SH3D19: variants seen among roughly 807,000 people sequenced by gnomAD.
SH3D19 encodes SH3 domain containing 19, also known as SH3 domain-containing protein 19.
SH3D19 carries 58 observed loss-of-function variants against 112.1 expected under a neutral mutation model. That is an observed-to-expected ratio of 0.52 (90% confidence interval 0.42 to 0.64). SH3D19 has a LOEUF of 0.64. Ranked by LOEUF, SH3D19 falls within the 30% of genes least tolerant of loss-of-function variation. SH3D19 has a pLI of 0.00. For missense variants in SH3D19, 1,090 were observed against 1,263.4 expected (o/e 0.86, Z 2.08); for synonymous variants, 391 against 448.5 (o/e 0.87, Z 1.62).
At chr4:151,162,140 C>T (rs1006815402) in intron 8 of SH3D19, among the ~76,000 whole-genome samples, 1 of 151,780 alleles carries the variant, frequency 6.6e-6, no homozygotes, top group African/African-American at 2.4e-5. Flanking sequence ...CTAATGCTCT[C>T]CCTCCCCTTG....
chr4:151,301,532 T>C (rs1285073357), intron 1 of SH3D19, among the ~76,000 whole-genome samples: 1 of 152,050 alleles, frequency 6.6e-6, no homozygotes. Flanking sequence ...TGGCCAGAGA[T>C]CTGCTTGTTT....
At chr4:151,195,568 A>G (rs1358046534) in intron 2 of SH3D19, among the ~76,000 whole-genome samples, 1 of 151,850 alleles carries the variant, frequency 6.6e-6, no homozygotes, top group Non-Finnish European at 1.5e-5. Context: ...ATAAGAAAAG[A>G]GCTTATGATT....
chr4:151,225,734 C>A (rs990618160), intron 2 of SH3D19, among the ~76,000 whole-genome samples: 1 of 151,812 alleles, frequency 6.6e-6, no homozygotes, highest in South Asian at 2.1e-4. Flanking sequence ...TACACACTTA[C>A]AAAAATACTG....
intron 2 of SH3D19, among the ~76,000 whole-genome samples, chr4:151,217,969 C>T (rs1330131064): frequency 1.3e-5 from 2 of 151,996 alleles, no homozygotes; most frequent in East Asian, 1.9e-4. Flanking sequence ...CATACACACA[C>T]ATATATATAT....
chr4:151,265,574 T>TTTC (rs2149992525), intron 1 of SH3D19, among the ~76,000 whole-genome samples: 1 of 82,530 alleles, frequency 1.2e-5, no homozygotes, highest in South Asian at 3.5e-4. Context: ...CTTTTCTTTT[T>TTTC]TTTTTTTTTT....
chr4:151,154,176 A>G (rs1755625218), intron 9 of SH3D19, among the ~76,000 whole-genome samples: 1 of 136,336 alleles, frequency 7.3e-6, no homozygotes, highest in Non-Finnish European at 1.5e-5. Flanking sequence ...CTTGTTGCCC[A>G]GGCTGGAGTG....
intron 2 of SH3D19, among the ~76,000 whole-genome samples, chr4:151,189,364 C>T (rs528355475): frequency 1.2e-4 from 18 of 152,206 alleles, no homozygotes; most frequent in African/African-American, 2.4e-4. Context: ...CTGCCCGCCT[C>T]GGCCTCCCAA....
intron 2 of SH3D19, among the ~76,000 whole-genome samples, chr4:151,214,503 A>G (rs1766623299): frequency 2.4e-5 from 3 of 124,994 alleles, no homozygotes; most frequent in Non-Finnish European, 3.5e-5. Context: ...CTGGCCGGGC[A>G]GAGGGGCTCC....
intron 1 of SH3D19, among the ~76,000 whole-genome samples, chr4:151,321,782 C>T (rs116024264): frequency 6.6e-6 from 1 of 152,286 alleles, no homozygotes; most frequent in African/African-American, 2.4e-5. Flanking sequence ...CAGGCCCTAT[C>T]CCAGACCAAG....
At chr4:151,249,177 T>C (rs1229145210) in intron 1 of SH3D19, among the ~76,000 whole-genome samples, 2 of 152,222 alleles carry the variant, frequency 1.3e-5, no homozygotes, top group Non-Finnish European at 2.9e-5. Flanking sequence ...CTCATACACG[T>C]ATTCAGAGTC....
intron 8 of SH3D19, among the ~76,000 whole-genome samples, chr4:151,160,703 G>A (rs1342357796): frequency 7.4e-6 from 1 of 134,484 alleles, no homozygotes; most frequent in Non-Finnish European, 1.6e-5. Flanking sequence ...TTTTTCAAAT[G>A]TACACTCTCT....
chr4:151,124,415 G>A (rs541460934), intron 19 of SH3D19, among the ~76,000 whole-genome samples: 1 of 151,444 alleles, frequency 6.6e-6, no homozygotes, highest in South Asian at 2.1e-4. Context: ...CCAGGCTAGG[G>A]CTATTTTCAA....
In SH3D19 at chr4:151,197,658, AC is replaced by A. The variant is rs760617772; in HGVS notation, c.153-10196del. On this transcript the variant is annotated intron_variant, in intron 2 of 19. Transcript: ENST00000604030. ...AACCCTACTATTAATTCTAAAACAT[AC>A]GAAAAATCAGTGTGTTTAGACAGCA... 4.3e-4 allele frequency among the ~76,000 whole-genome samples: 66 copies of A among 152,360 alleles called. 1 individual carries two copies. Among genetic ancestry groups the A allele is most frequent in the Non-Finnish European group, 7.1e-4 (48 of 68,034 alleles).
chr4:151,187,298 C>G, intron 3 of SH3D19, 125 bp downstream of exon 3: 1 of 465,918 alleles, frequency 2.1e-6, no homozygotes, highest in South Asian at 1.1e-4. Context: ...TGCTTTAATA[C>G]CTCTTAGGAG....
intron 1 of SH3D19, chr4:151,262,855 A>G (rs1166802880): frequency 6.6e-6 from 1 of 152,170 alleles, no homozygotes; most frequent in African/African-American, 2.4e-5. Flanking sequence ...TGGATTGAGA[A>G]GTCTCCCATC....
At chr4:151,318,300 CAAAAA>C (rs752720803) in intron 1 of SH3D19, among the ~76,000 whole-genome samples, 1 of 54,482 alleles carries the variant, frequency 1.8e-5, no homozygotes, top group Non-Finnish European at 3.8e-5. Context: ...GACTCTGACT[CAAAAA>C]AAAAAAAAAA....
chr4:151,137,865 G>A lies in SH3D19; in HGVS notation c.2297-3C>T. ...GAGGTTCAAATCATCAACTTGCTCT[G>A]TAATATAAAATTATAGTTATGTATG... On this transcript the variant is annotated splice_polypyrimidine_tract_variant and splice_region_variant and intron_variant, in intron 13 of 19. Coordinates refer to ENST00000604030, the MANE Select transcript of SH3D19 (RefSeq NM_001378122.1). The A allele has an allele frequency of 6.3e-7, 1 of 1,587,652 alleles. No individual in the cohort carries two copies. The highest frequency in any genetic ancestry group is 1.2e-5 in the South Asian group (1 of 85,828).
intron 7 of SH3D19, among the ~76,000 whole-genome samples, chr4:151,172,851 G>A (rs1759315894): frequency 6.6e-6 from 1 of 152,166 alleles, no homozygotes; most frequent in African/African-American, 2.4e-5. Flanking sequence ...ATAGTGAGTT[G>A]CAAAATATAG....
At chr4:151,237,492 G>C (rs541179026) in intron 1 of SH3D19, among the ~76,000 whole-genome samples, 50 of 151,866 alleles carry the variant, frequency 3.3e-4, no homozygotes, top group Non-Finnish European at 5.0e-4. Context: ...TGACAATCTA[G>C]GTAGATGTTA....
Sources: gnomAD v4.1 joint callset for allele counts (sites outside exome capture counted in the v4.1 genomes callset) on GRCh38, gnomAD v4.1.1 for gene constraint, MANE v1.5 for transcripts, NCBI Gene and HGNC (gene_info 2026-07-23, HGNC 2026-07-21) for gene names.